Variants in SUPT5H observed in about 807,000 individuals in gnomAD.
SUPT5H encodes SPT5 homolog, DSIF elongation factor subunit, also known as transcription elongation factor SPT5.
Under a neutral mutation model 142.5 loss-of-function variants are expected in SUPT5H, and 24 were observed. The ratio of observed to expected loss-of-function variants is 0.17; its 90% CI spans 0.12 to 0.24. SUPT5H has a LOEUF of 0.24. Among genes scored for constraint, SUPT5H ranks in the 10% least tolerant of loss-of-function variants. The pLI is 1.00. For missense variants in SUPT5H, 893 were observed against 1,471.8 expected (o/e 0.61, Z 6.43); for synonymous variants, 546 against 553.0 (o/e 0.99, Z 0.18).
intron 8 of SUPT5H, 41 bp downstream of exon 8, chr19:39,459,290 A>G (rs897887206): frequency 3.9e-6 from 6 of 1,551,530 alleles, no homozygotes; most frequent in Middle Eastern, 1.7e-4. Flanking sequence ...TGGGGTGCGA[A>G]TCTTGTATGG....
chr19:39,463,775 A>T (rs1330635695), intron 10 of SUPT5H, among the ~76,000 whole-genome samples: 2 of 152,010 alleles, frequency 1.3e-5, no homozygotes, highest in Non-Finnish European at 2.9e-5. Context: ...GTTACTGTTG[A>T]GTTGTCAGTT....
intron 3 of SUPT5H, among the ~76,000 whole-genome samples, chr19:39,454,497 A>G (rs1405058770): frequency 6.6e-6 from 1 of 151,684 alleles, no homozygotes; most frequent in Non-Finnish European, 1.5e-5. Flanking sequence ...GGCACGTGCC[A>G]CCATGCCTGG....
chr19:39,454,128 G>A (rs1334550310), intron 3 of SUPT5H, among the ~76,000 whole-genome samples: 1 of 152,188 alleles, frequency 6.6e-6, no homozygotes, highest in Non-Finnish European at 1.5e-5. Flanking sequence ...GATACCTATA[G>A]CTGTAATGTG....
At chr19:39,465,897 G>A (rs1045193299) in intron 11 of SUPT5H, among the ~76,000 whole-genome samples, 3 of 152,170 alleles carry the variant, frequency 2.0e-5, no homozygotes, top group East Asian at 1.9e-4. Flanking sequence ...TCAGATTTCA[G>A]ATTTTTTCAG....
Position 39,466,981 on chromosome 19 carries a change from A to G in SUPT5H, c.1037+236A>G. 1 of 531,088 alleles carries G rather than the reference A, an allele frequency of 1.9e-6. No homozygotes were observed. The highest frequency in any genetic ancestry group is 3.3e-6 in the Non-Finnish European group (1 of 298,544). 32.9% of individuals were successfully genotyped at this position (531,088 alleles called of 1,614,324 possible). ...GAGCACTTTGGAAGGCTAAGGCAGG[A>G]GGCTTGCTTGAGGCAAGGAGTTCGA... is the stretch of plus-strand genomic sequence containing the variant. On this transcript the variant is annotated intron_variant, in intron 13 of 29. Coordinates refer to ENST00000432763, the MANE Select transcript of SUPT5H (RefSeq NM_001111020.3). This position sits in a 1 kb window ranked among gnomAD's most constrained non-coding sequence, Gnocchi z 4.3.
rs1163786925 is a variant in SUPT5H at position 39,474,767 on chromosome 19, C to T, written c.3024+49C>T. 1.3e-6 allele frequency: 2 copies of T among 1,549,988 alleles called. No homozygotes were observed. The highest frequency in any genetic ancestry group is 1.4e-5 in the African/African-American group (1 of 73,354). Reference sequence around the variant, plus strand: ...GTGAGCAGGCATCCTCTCCTTGGTACCCCCTAAACTGGAGACAGACCTGTC... The same window carrying T: ...GTGAGCAGGCATCCTCTCCTTGGTATCCCCTAAACTGGAGACAGACCTGTC... On this transcript the variant is annotated intron_variant, in intron 28 of 29. Coordinates refer to ENST00000432763, the MANE Select transcript of SUPT5H (RefSeq NM_001111020.3). The surrounding 1 kb of genome is among the most constrained non-coding windows in gnomAD (Gnocchi z 6.5).
chr19:39,472,981 C>G lies in SUPT5H; in HGVS notation c.2156-31C>G. 1 of 1,612,236 alleles carries G rather than the reference C, an allele frequency of 6.2e-7. No homozygotes were observed. The highest frequency in any genetic ancestry group is 8.5e-7 in the Non-Finnish European group (1 of 1,178,728). On this transcript the variant is annotated intron_variant, in intron 22 of 29. Coordinates refer to ENST00000432763, the MANE Select transcript of SUPT5H (RefSeq NM_001111020.3). The surrounding 1 kb of genome is among the most constrained non-coding windows in gnomAD (Gnocchi z 4.2). ...GGGGAGGGGCATGGTGAAGGAGAGC[C>G]TGCCCAGCCTGACCTCCTGTCCCCC...
At position 39,473,181 on chromosome 19, in the gene SUPT5H, C is replaced by G. The variant is rs1330738362; in HGVS notation, c.2259-22C>G. ...GGCAGTGAGAGGGGTCTGCTCACCC[C>G]ATTTGTTCTCTGCGTCCCCAGGGGC... On this transcript the variant is annotated intron_variant, in intron 23 of 29. Coordinates refer to ENST00000432763, the MANE Select transcript of SUPT5H (RefSeq NM_001111020.3). This position sits in a 1 kb window ranked among gnomAD's most constrained non-coding sequence, Gnocchi z 5.8. 1.9e-6 allele frequency: 3 copies of G among 1,611,294 alleles called. No homozygotes were observed. Among genetic ancestry groups the G allele is most frequent in the Non-Finnish European group, 2.5e-6 (3 of 1,179,890 alleles).
chr19:39,449,996 G>T (rs2146073093), intron 2 of SUPT5H, among the ~76,000 whole-genome samples: 1 of 150,934 alleles, frequency 6.6e-6, no homozygotes, highest in Middle Eastern at 3.4e-3. Flanking sequence ...GGGGTGCAGT[G>T]GTGTGATCTC....
chr19:39,460,274 G>T (rs2079144555), intron 10 of SUPT5H: 1 of 374,618 alleles, frequency 2.7e-6, no homozygotes. Context: ...GTTGGGCTGG[G>T]GTCACCCACT....
At chr19:39,462,212 A>G (rs538769378) in intron 10 of SUPT5H, among the ~76,000 whole-genome samples, 140 of 152,156 alleles carry the variant, frequency 9.2e-4, no homozygotes, top group Middle Eastern at 3.4e-3. Flanking sequence ...CCCAGCCTAA[A>G]ATTTAATTTT....
rs1281930935 is a variant in SUPT5H at position 39,469,392 on chromosome 19, C to T, written c.1368C>T (p.Asp456=). ...TCACCATCATGCCCAAGCATGAGGACCTCAAGGTGGGTGCCCGGTGTTCTC... is the reference window on the plus strand; with the variant it reads ...TCACCATCATGCCCAAGCATGAGGATCTCAAGGTGGGTGCCCGGTGTTCTC... ...NKITIMPKHE[D]LKDMLEFPAQ... Residue 456 remains aspartate, a synonymous_variant, in exon 16 of 30, where the codon GAC becomes GAT. Coordinates refer to ENST00000432763, the MANE Select transcript of SUPT5H (RefSeq NM_001111020.3). This position sits in a 1 kb window ranked among gnomAD's most constrained non-coding sequence, Gnocchi z 5.1. 6.2e-7 allele frequency: 1 copy of T among 1,614,228 alleles called. No homozygotes were observed. Among genetic ancestry groups the T allele is most frequent in the Non-Finnish European group, 8.5e-7 (1 of 1,180,036 alleles).
rs2079332432 is a variant in SUPT5H, at chr19:39,472,350, C to T, written c.1951-59C>T. 5 of 1,548,788 alleles carry T rather than the reference C, an allele frequency of 3.2e-6. No individual in the cohort carries two copies. In the Admixed American group the frequency reaches 8.4e-5, roughly 26 times the overall value. Reference sequence around the variant, plus strand: ...GCCCTGCACGTGGGATGATGAGTTCCTGTGGTTTGTGGTTCCCCCATCCCC... The same window carrying T: ...GCCCTGCACGTGGGATGATGAGTTCTTGTGGTTTGTGGTTCCCCCATCCCC... On this transcript the variant is annotated intron_variant, in intron 20 of 29. Transcript: ENST00000432763. The surrounding 1 kb of genome is among the most constrained non-coding windows in gnomAD (Gnocchi z 4.2).
Position 39,474,164 on chromosome 19 carries a change from C to T in SUPT5H, c.2651+43C>T, listed in dbSNP as rs776084011. 3 of 1,609,904 alleles carry T rather than the reference C, an allele frequency of 1.9e-6. No homozygotes were observed. The highest frequency in any genetic ancestry group is 2.5e-6 in the Non-Finnish European group (3 of 1,177,762). ...TGCCCTCGTCTACCCCTGCCCAAAC[C>T]CTCCTACTGCCACCACCTCTTTTCC... is the stretch of plus-strand genomic sequence containing the variant. On this transcript the variant is annotated intron_variant, in intron 26 of 29. Transcript: ENST00000432763. This position sits in a 1 kb window ranked among gnomAD's most constrained non-coding sequence, Gnocchi z 6.5.
At chr19:39,462,423 A>C (rs150322321) in intron 10 of SUPT5H, among the ~76,000 whole-genome samples, 216 of 152,230 alleles carry the variant, frequency 1.4e-3, no homozygotes, top group Middle Eastern at 0.014. Context: ...GGAACTCTGA[A>C]TGGTTCATAC....
rs1405971009 is a variant in SUPT5H at position 39,466,612 on chromosome 19, C to T, written c.966+43C>T. 1.9e-6 allele frequency: 3 copies of T among 1,612,964 alleles called. No individual in the cohort carries two copies. Among genetic ancestry groups the T allele is most frequent in the Non-Finnish European group, 2.5e-6 (3 of 1,179,092 alleles). The stretch of plus-strand genomic sequence containing the variant: ...TGGCCTGGGGGGGAGGGAGTGTGCT[C>T]GATCCCACTGGTGGCCAAGCCCCCT... On this transcript the variant is annotated intron_variant, in intron 12 of 29. Transcript: ENST00000432763. The surrounding 1 kb of genome is among the most constrained non-coding windows in gnomAD (Gnocchi z 4.3).
intron 3 of SUPT5H, among the ~76,000 whole-genome samples, chr19:39,455,359 C>T (rs1370167764): frequency 4.6e-5 from 7 of 151,662 alleles, no homozygotes; most frequent in Non-Finnish European, 8.8e-5. Flanking sequence ...GTTAGGAGTT[C>T]GAGACCAGCC....
intron 2 of SUPT5H, 29 bp from the exon 3 acceptor site, chr19:39,453,327 G>T: frequency 6.4e-7 from 1 of 1,556,114 alleles, no homozygotes; most frequent in South Asian, 1.2e-5. Context: ...GCAGAATTCT[G>T]GTGCTACAAC....
Position 39,448,131 on chromosome 19 carries a change from C to G in SUPT5H, c.75+2166C>G, listed in dbSNP as rs145762308. ...CAGGATATGTTAGTTGCCATTTGTC[C>G]TCTTGCTTGCCTTGTGGCAGAGTGA... On this transcript the variant is annotated intron_variant, in intron 2 of 29. Coordinates refer to ENST00000432763, the MANE Select transcript of SUPT5H (RefSeq NM_001111020.3). Among the ~76,000 whole-genome samples, 391 of 152,306 alleles carry G rather than the reference C, an allele frequency of 2.6e-3. 2 individuals carry two copies. Among genetic ancestry groups the G allele is most frequent in the African/African-American group, 8.6e-3 (359 of 41,566 alleles).
Sources: gnomAD v4.1 joint callset for allele counts (sites outside exome capture counted in the v4.1 genomes callset) on GRCh38, gnomAD v4.1.1 for gene constraint, Gnocchi (gnomAD v3.1) non-coding constraint, MANE v1.5 for transcripts, NCBI Gene and HGNC (gene_info 2026-07-23, HGNC 2026-07-21) for gene names.